CAPS2: variants seen among roughly 807,000 people sequenced by gnomAD.
The protein encoded by CAPS2 is calcyphosine 2, also known as calcyphosin-2.
CAPS2 carries 98 observed loss-of-function variants against 86.5 expected under a neutral mutation model. The observed-to-expected ratio is 1.13, with a 90% CI of 0.96 to 1.34. CAPS2 has a LOEUF of 1.34. Among genes scored for constraint, CAPS2 ranks in the 40% most tolerant of loss-of-function variants. CAPS2 has a pLI of 0.00. For synonymous variants in CAPS2, 210 were observed against 225.1 expected, an observed-to-expected ratio of 0.93 and a Z score of 0.60; for missense variants, 729 against 686.8, an observed-to-expected ratio of 1.06 and a Z score of -0.69.
At chr12:75,359,048 T>C (rs1278434531) in intron 1 of CAPS2, among the ~76,000 whole-genome samples, 1 of 150,360 alleles carries the variant, frequency 6.7e-6, no homozygotes, top group Non-Finnish European at 1.5e-5. Flanking sequence ...TGATTGCTAC[T>C]GTATAGAAAA....
exon 17 of CAPS2, chr12:75,277,371 T>C: frequency 1.0e-6 from 1 of 977,234 alleles, no homozygotes. Flanking sequence ...ATTAGTCATT[T>C]TTAACAAGAA....
chr12:75,327,119 T>C (rs1433555923), upstream of CAPS2, among the ~76,000 whole-genome samples: 1 of 152,200 alleles, frequency 6.6e-6, no homozygotes, highest in African/African-American at 2.4e-5. Context: ...TATAAAATAA[T>C]AAATTTATGT....
intron 1 of CAPS2, among the ~76,000 whole-genome samples, chr12:75,351,621 A>G (rs2042821442): frequency 1.3e-5 from 2 of 149,410 alleles, no homozygotes; most frequent in Non-Finnish European, 3.0e-5. Flanking sequence ...ATCTTGACTT[A>G]CTACCACCTC....
At chr12:75,284,918 T>A in intron 15 of CAPS2, 43 bp downstream of exon 15, 1 of 1,513,932 alleles carries the variant, frequency 6.6e-7, no homozygotes, top group Non-Finnish European at 9.0e-7. Context: ...AACCTAACAA[T>A]CTATTAAAAA....
intron 11 of CAPS2, chr12:75,298,403 C>T (rs2037257468): frequency 2.7e-6 from 1 of 371,906 alleles, no homozygotes; most frequent in Non-Finnish European, 4.9e-6. Context: ...AAGAACTTTT[C>T]AAAGTACGAA....
At chr12:75,314,068 T>C (rs2039502367) in intron 6 of CAPS2, among the ~76,000 whole-genome samples, 1 of 152,066 alleles carries the variant, frequency 6.6e-6, no homozygotes, top group Non-Finnish European at 1.5e-5. Context: ...TACAGGTGTA[T>C]GCCACCACGG....
At chr12:75,334,950 G>C, upstream of CAPS2, 1 of 1,522,098 alleles carries the variant, frequency 6.6e-7, no homozygotes, top group African/African-American at 1.4e-5. Flanking sequence ...CTCATCCTGA[G>C]GTATCTGGGT....
At chr12:75,389,030 A>AGGCACCCAAC (rs2045437350) in intron 1 of CAPS2, among the ~76,000 whole-genome samples, 1 of 151,710 alleles carries the variant, frequency 6.6e-6, no homozygotes, top group Admixed American at 6.6e-5. Flanking sequence ...TAGCTCTACC[A>AGGCACCCAAC]CTCCCTGGCT....
chr12:75,350,208 C>T (rs542248490), intron 1 of CAPS2, among the ~76,000 whole-genome samples: 2 of 152,360 alleles, frequency 1.3e-5, no homozygotes, highest in East Asian at 3.9e-4. Flanking sequence ...TCAGCACCCC[C>T]AGCCAGGGGT....
At chr12:75,304,624 A>C (rs2038221425) in intron 8 of CAPS2, 133 bp downstream of exon 8, 4 of 631,736 alleles carry the variant, frequency 6.3e-6, no homozygotes, top group Non-Finnish European at 9.8e-6. Flanking sequence ...AGCTGAACTC[A>C]AAAAATTCCA....
chr12:75,329,875 G>C (rs2041140367), upstream of CAPS2: 1 of 1,543,394 alleles, frequency 6.5e-7, no homozygotes, highest in Admixed American at 2.0e-5. Context: ...ACCTAACTGG[G>C]ATTCCTGGAC....
chr12:75,378,930 T>A (rs573526975), intron 1 of CAPS2, among the ~76,000 whole-genome samples: 5 of 152,314 alleles, frequency 3.3e-5, no homozygotes, highest in Non-Finnish European at 5.9e-5. Flanking sequence ...TTGTTAAAAT[T>A]CTCATTCATA....
intron 14 of CAPS2, among the ~76,000 whole-genome samples, chr12:75,288,945 T>C (rs1192492474): frequency 1.3e-5 from 2 of 152,188 alleles, no homozygotes; most frequent in African/African-American, 4.8e-5. Flanking sequence ...AGTGCTCCTT[T>C]AGACAGAAGT....
chr12:75,311,093 C>T (rs1339737904), intron 7 of CAPS2, among the ~76,000 whole-genome samples: 1 of 152,148 alleles, frequency 6.6e-6, no homozygotes, highest in Non-Finnish European at 1.5e-5. Flanking sequence ...TCGTAGGCTT[C>T]ACTATGATTA....
chr12:75,370,261 C>T (rs2044273375), intron 1 of CAPS2: 3 of 737,194 alleles, frequency 4.1e-6, no homozygotes, highest in Non-Finnish European at 7.0e-6. Flanking sequence ...CACTTTGCTT[C>T]TTTACTGAAT....
intron 1 of CAPS2, among the ~76,000 whole-genome samples, chr12:75,351,932 A>AT (rs892085533): frequency 1.1e-4 from 17 of 152,084 alleles, no homozygotes; most frequent in South Asian, 1.0e-3. Context: ...GAGAAATGAG[A>AT]TTTTTTTTCA....
intron 15 of CAPS2, among the ~76,000 whole-genome samples, chr12:75,282,639 G>C (rs1430511680): frequency 6.6e-6 from 1 of 152,120 alleles, no homozygotes; most frequent in Middle Eastern, 3.4e-3. Context: ...CACCCGCCTC[G>C]GCCTCCCAAA....
chr12:75,314,729 A>C (rs2138863898), intron 6 of CAPS2, among the ~76,000 whole-genome samples: 1 of 152,300 alleles, frequency 6.6e-6, no homozygotes, highest in Admixed American at 6.5e-5. Context: ...TGTAAAACCC[A>C]GACAGAAACC....
intron 1 of CAPS2, among the ~76,000 whole-genome samples, chr12:75,373,054 G>C (rs1456032890): frequency 1.3e-5 from 2 of 152,198 alleles, no homozygotes; most frequent in Non-Finnish European, 2.9e-5. Flanking sequence ...CCACCAAATA[G>C]TTGTCTAACC....
Sources: gnomAD v4.1 joint callset for allele counts (sites outside exome capture counted in the v4.1 genomes callset) on GRCh38, gnomAD v4.1.1 for gene constraint, MANE v1.5 for transcripts, NCBI Gene and HGNC (gene_info 2026-07-23, HGNC 2026-07-21) for gene names.